Variants in CNTNAP4 observed in about 807,000 individuals in gnomAD.
The protein encoded by CNTNAP4 is contactin associated protein family member 4.
A neutral mutation model predicts 148.4 loss-of-function variants in CNTNAP4; 98 were observed. The ratio of observed to expected loss-of-function variants is 0.66; its 90% CI spans 0.56 to 0.78. The LOEUF is 0.78. Among genes scored for constraint, CNTNAP4 ranks in the 30% least tolerant of loss-of-function variants. The pLI is 0.00. For synonymous variants in CNTNAP4, 730 were observed against 565.1 expected, an observed-to-expected ratio of 1.29 and a Z score of -4.14; for missense variants, 1,935 against 1,565.6, an observed-to-expected ratio of 1.24 and a Z score of -3.98.
intron 3 of CNTNAP4, among the ~76,000 whole-genome samples, chr16:76,378,046 G>A (rs2015600335): frequency 6.6e-6 from 1 of 152,128 alleles, no homozygotes; most frequent in African/African-American, 2.4e-5. Flanking sequence ...TAGAAACCCA[G>A]GCTGCTCGAA....
chr16:76,289,219 C>T (rs1451500698), intron 1 of CNTNAP4, among the ~76,000 whole-genome samples: 1 of 152,150 alleles, frequency 6.6e-6, no homozygotes, highest in Non-Finnish European at 1.5e-5. Flanking sequence ...ATCCTCATGT[C>T]TTCCTATGCC....
At chr16:76,546,686 C>T (rs1377349543) in intron 21 of CNTNAP4, among the ~76,000 whole-genome samples, 1 of 152,130 alleles carries the variant, frequency 6.6e-6, no homozygotes, top group African/African-American at 2.4e-5. Flanking sequence ...AAGCCATCCC[C>T]CCACTCCCAT....
In CNTNAP4 at chr16:76,498,555, A is replaced by G. The variant is rs1568410795; in HGVS notation, c.2238-12A>G. ...AGTTCTTAAGAATTTTGTTGTTGCT[A>G]TTGTTTTTTAGGACCAATGACACTG... On this transcript the variant is annotated splice_polypyrimidine_tract_variant and intron_variant, in intron 14 of 23. Coordinates refer to ENST00000611870, the MANE Select transcript of CNTNAP4 (RefSeq NM_033401.5). 3.7e-6 allele frequency: 6 copies of G among 1,600,064 alleles called. No individual in the cohort carries two copies. The African/African-American group carries it at 4.0e-5, about 11-fold the overall frequency.
chr16:76,321,730 A>C (rs866885995), intron 2 of CNTNAP4, among the ~76,000 whole-genome samples: 2 of 146,304 alleles, frequency 1.4e-5, no homozygotes, highest in Non-Finnish European at 3.0e-5. Flanking sequence ...TGGAGGTTGT[A>C]GTGAGCTGAG....
intron 3 of CNTNAP4, among the ~76,000 whole-genome samples, chr16:76,378,731 C>G (rs112651151): frequency 6.6e-6 from 1 of 152,286 alleles, no homozygotes; most frequent in African/African-American, 2.4e-5. Flanking sequence ...CCTTAAGATT[C>G]CATATAGAAC....
chr16:76,442,500 T>C lies in CNTNAP4; in HGVS notation c.539-5512T>C, dbSNP rs144841733. On this transcript the variant is annotated intron_variant, in intron 4 of 23. Coordinates refer to ENST00000611870, the MANE Select transcript of CNTNAP4 (RefSeq NM_033401.5). ...TAGAGGTTTATTTAGCTTATGGTTC[T>C]GCAGGCTGGGAAGTTCAAGAAGCAT... Among the ~76,000 whole-genome samples, 433 of 152,294 alleles carry C rather than the reference T, an allele frequency of 2.8e-3. 3 individuals are homozygous for C. The highest frequency in any genetic ancestry group is 0.01 in the African/African-American group (419 of 41,568).
At chr16:76,415,646 C>T (rs1332253422) in intron 3 of CNTNAP4, among the ~76,000 whole-genome samples, 1 of 131,658 alleles carries the variant, frequency 7.6e-6, no homozygotes, top group Non-Finnish European at 1.8e-5. Context: ...ACCTGTTTAA[C>T]CCCACAAAGA....
At chr16:76,314,846 G>T (rs953470885) in intron 1 of CNTNAP4, among the ~76,000 whole-genome samples, 9 of 152,078 alleles carry the variant, frequency 5.9e-5, no homozygotes, top group African/African-American at 2.2e-4. Context: ...GTATACATGT[G>T]TGTTGATTCT....
chr16:76,539,543 G>A (rs2084358311), intron 19 of CNTNAP4, among the ~76,000 whole-genome samples, 176 bp from the exon 20 acceptor site: 1 of 152,122 alleles, frequency 6.6e-6, no homozygotes, highest in Non-Finnish European at 1.5e-5. Context: ...TCATGATTTT[G>A]CAAATACATT....
chr16:76,349,547 C>T (rs1235876653), intron 2 of CNTNAP4, among the ~76,000 whole-genome samples: 1 of 152,100 alleles, frequency 6.6e-6, no homozygotes, highest in Non-Finnish European at 1.5e-5. Context: ...ATTGGTACCA[C>T]GTTCTTTCCA....
intron 16 of CNTNAP4, 68 bp downstream of exon 16, chr16:76,521,378 T>A (rs1451155541): frequency 6.2e-5 from 80 of 1,299,936 alleles, no homozygotes; most frequent in Non-Finnish European, 8.1e-5. Flanking sequence ...TAACTAATTT[T>A]TAAACTACTC....
intron 12 of CNTNAP4, among the ~76,000 whole-genome samples, chr16:76,481,068 A>G (rs1269752217): frequency 6.6e-6 from 1 of 152,222 alleles, no homozygotes; most frequent in African/African-American, 2.4e-5. Flanking sequence ...AAAACAAAAT[A>G]GAGAATTTAT....
intron 3 of CNTNAP4, among the ~76,000 whole-genome samples, chr16:76,397,945 CAT>C (rs71134756): frequency 1.2e-4 from 3 of 24,122 alleles, no homozygotes; most frequent in African/African-American, 7.1e-4. Context: ...AGATTATATA[CAT>C]ATATATATAT....
At chr16:76,372,401 G>A (rs2014944397) in intron 3 of CNTNAP4, among the ~76,000 whole-genome samples, 1 of 151,834 alleles carries the variant, frequency 6.6e-6, no homozygotes, top group Non-Finnish European at 1.5e-5. Flanking sequence ...GCCCGCCTCG[G>A]CCTCCCAAAG....
intron 3 of CNTNAP4, among the ~76,000 whole-genome samples, chr16:76,415,300 C>A (rs191420287): frequency 6.6e-6 from 1 of 151,042 alleles, no homozygotes; most frequent in Non-Finnish European, 1.5e-5. Flanking sequence ...TATTGCATGA[C>A]CTTCTTCAAA....
At chr16:76,442,709 A>G (rs2080091155) in intron 4 of CNTNAP4, among the ~76,000 whole-genome samples, 1 of 152,042 alleles carries the variant, frequency 6.6e-6, no homozygotes, top group Non-Finnish European at 1.5e-5. Context: ...GAGAGAAGGG[A>G]TTCACTCACT....
Position 76,476,836 on chromosome 16 carries a change from A to G in CNTNAP4, c.1762+791A>G, listed in dbSNP as rs140426379. Reference sequence around the variant, plus strand: ...ACTAGGTTTCAACATACACGTTTTGAGGGGACACAAACCTTCAGTCTATTG... The same window carrying G: ...ACTAGGTTTCAACATACACGTTTTGGGGGGACACAAACCTTCAGTCTATTG... On this transcript the variant is annotated intron_variant, in intron 11 of 23. Coordinates refer to ENST00000611870, the MANE Select transcript of CNTNAP4 (RefSeq NM_033401.5). Among the ~76,000 whole-genome samples, 823 of 152,246 alleles carry G rather than the reference A, an allele frequency of 5.4e-3. 2 individuals are homozygous for G. The highest frequency in any genetic ancestry group is 8.8e-3 in the Non-Finnish European group (600 of 68,004).
At chr16:76,312,230 C>T (rs939805769) in intron 1 of CNTNAP4, among the ~76,000 whole-genome samples, 7 of 152,150 alleles carry the variant, frequency 4.6e-5, no homozygotes, top group Non-Finnish European at 1.0e-4. Flanking sequence ...CTGGATTCAA[C>T]CCAGTAGATG....
Position 76,438,816 on chromosome 16 carries a change from A to T in CNTNAP4, c.539-9196A>T, listed in dbSNP as rs193100139. On this transcript the variant is annotated intron_variant, in intron 4 of 23. Transcript: ENST00000611870. The stretch of plus-strand genomic sequence containing the variant: ...CAGCTTAAATAGCACTTCCTTAGAG[A>T]TATTGTTTCTGAACACCAAACAAAT... Among the ~76,000 whole-genome samples the T allele has an allele frequency of 4.6e-5, 7 of 152,196 alleles. No homozygotes were observed. In the East Asian group the frequency reaches 1.2e-3, roughly 25 times the overall value.
Sources: allele counts gnomAD v4.1 joint callset (sites outside exome capture counted in the v4.1 genomes callset), GRCh38; gene constraint gnomAD v4.1.1; transcripts MANE v1.5; gene names NCBI Gene and HGNC (gene_info 2026-07-23, HGNC 2026-07-21).